ANXA3: variants seen among roughly 807,000 people sequenced by gnomAD.
The protein encoded by ANXA3 is annexin A3, also known as 35-alpha calcimedin.
In ANXA3, 46 loss-of-function variants were observed where a neutral mutation model predicts 48.8. That is an observed-to-expected ratio of 0.94 (90% CI 0.74 to 1.21). ANXA3 has a LOEUF of 1.21. Ranked by LOEUF, ANXA3 falls within the 50% of genes most tolerant of loss-of-function variation. The pLI, the probability that ANXA3 is intolerant of heterozygous loss-of-function variation, is 0.00. For missense variants in ANXA3, 383 were observed against 378.6 expected, an observed-to-expected ratio of 1.01 and a Z score of -0.10; for synonymous variants, 128 against 134.7, an observed-to-expected ratio of 0.95 and a Z score of 0.35.
rs899018105 is a variant in ANXA3, at chr4:78,601,632, T to G, written c.789+64T>G. The G allele has an allele frequency of 3.9e-5, 51 of 1,298,396 alleles. No individual in the cohort carries two copies. In the African/African-American group the frequency reaches 6.6e-4, roughly 17 times the overall value. The allele number at this position is 1,298,396 out of a possible 1,614,324, so 80.4% of individuals were successfully genotyped here. ...TAATTCCCTTGGGAAAGTATGCAAA[T>G]AGTAGAACAAATATTTAAAAATTAG... is the stretch of plus-strand genomic sequence containing the variant. On this transcript the variant is annotated intron_variant, in intron 11 of 12. Transcript: ENST00000264908.
intron 3 of ANXA3, among the ~76,000 whole-genome samples, chr4:78,575,737 GA>G (rs1487688490): frequency 9.2e-5 from 14 of 152,220 alleles, no homozygotes; most frequent in Non-Finnish European, 1.6e-4. Flanking sequence ...AAATTTTAGT[GA>G]AATCAAGTTT....
At chr4:78,573,338 T>G in intron 3 of ANXA3, 71 bp downstream of exon 3, 1 of 1,126,544 alleles carries the variant, frequency 8.9e-7, no homozygotes, top group Non-Finnish European at 1.3e-6. Context: ...AAAAGTTCAG[T>G]TTGCTCAGAT....
At position 78,595,426 on chromosome 4, in the gene ANXA3, C is replaced by T. The variant is rs1723399651; in HGVS notation, c.529C>T (p.Gln177Ter). 8.1e-6 allele frequency: 13 copies of T among 1,613,380 alleles called. No individual in the cohort carries two copies. The highest frequency in any genetic ancestry group is 1.1e-5 in the Non-Finnish European group (13 of 1,179,826). The change falls in exon 8 of 13, where the codon CAA (glutamine) becomes TAA (stop). Residue 177 changes from glutamine (Q) to a stop codon, truncating the protein, a stop_gained. Transcript: ENST00000264908. LOFTEE classifies it high-confidence loss of function. ...GAAAGTGGATGAGCATCTGGCCAAA[C>T]AAGATGCCCAGGTCAGTAACAAAGC... ...SLKVDEHLAK[Q>*]DAQILYKAGE...
At chr4:78,604,437 C>G (rs199909843) in intron 12 of ANXA3, 38 bp downstream of exon 12, 15 of 1,399,800 alleles carry the variant, frequency 1.1e-5, no homozygotes, top group Non-Finnish European at 1.5e-5. Context: ...CATATTTTGC[C>G]CTTCTCTACC....
intron 12 of ANXA3, among the ~76,000 whole-genome samples, chr4:78,608,717 GTTGT>G (rs563279303): frequency 4.9e-4 from 75 of 152,140 alleles, no homozygotes; most frequent in African/African-American, 1.5e-3. Flanking sequence ...CAGGTTTTAG[GTTGT>G]TTGTTTGTTT....
intron 2 of ANXA3, among the ~76,000 whole-genome samples, chr4:78,556,687 T>C (rs1468196988): frequency 6.6e-6 from 1 of 152,286 alleles, no homozygotes; most frequent in East Asian, 1.9e-4. Context: ...AACTCTCATC[T>C]TTCATCTGAA....
chr4:78,589,107 T>C (rs1578400064), intron 6 of ANXA3, among the ~76,000 whole-genome samples: 1 of 152,332 alleles, frequency 6.6e-6, no homozygotes, highest in South Asian at 2.1e-4. Context: ...GATTTTCGTC[T>C]ATGTTGTTCA....
intron 5 of ANXA3, among the ~76,000 whole-genome samples, chr4:78,584,268 T>C (rs1431305854): frequency 6.6e-6 from 1 of 151,992 alleles, no homozygotes; most frequent in Non-Finnish European, 1.5e-5. Flanking sequence ...AGCCTCAACC[T>C]CCCTGGCAAG....
intron 6 of ANXA3, among the ~76,000 whole-genome samples, chr4:78,587,681 G>C (rs1217946446): frequency 6.6e-6 from 1 of 152,194 alleles, no homozygotes; most frequent in Non-Finnish European, 1.5e-5. Flanking sequence ...GGAGATTCTT[G>C]TTAGAAGGTA....
In ANXA3 at chr4:78,588,771, C is replaced by T. The variant is rs545147300; in HGVS notation, c.403+2421C>T. Reference sequence around the variant, plus strand: ...CCGTCAGATAGCTTGCACTTCTTTCCACCTCCTGCCTTCCAGTCCCCTCTA... The same window carrying T: ...CCGTCAGATAGCTTGCACTTCTTTCTACCTCCTGCCTTCCAGTCCCCTCTA... On this transcript the variant is annotated intron_variant, in intron 6 of 12. Coordinates refer to ENST00000264908, the MANE Select transcript of ANXA3 (RefSeq NM_005139.3). Among the ~76,000 whole-genome samples the T allele has an allele frequency of 3.3e-5, 5 of 152,298 alleles. No homozygotes were observed. The East Asian group carries it at 5.8e-4, about 18-fold the overall frequency.
chr4:78,595,064 G>T (rs923324155), intron 7 of ANXA3, among the ~76,000 whole-genome samples: 4 of 152,192 alleles, frequency 2.6e-5, no homozygotes, highest in Non-Finnish European at 5.9e-5. Context: ...TTGAGCCTTG[G>T]AGTTCAAGGT....
intron 11 of ANXA3, 52 bp downstream of exon 11, chr4:78,601,620 A>G (rs773820781): frequency 1.8e-5 from 25 of 1,423,072 alleles, no homozygotes; most frequent in Non-Finnish European, 2.2e-5. Context: ...TTCCCTTGGG[A>G]AAGTATGCAA....
At chr4:78,569,594 G>A (rs2109930524) in intron 2 of ANXA3, among the ~76,000 whole-genome samples, 1 of 152,264 alleles carries the variant, frequency 6.6e-6, no homozygotes, top group African/African-American at 2.4e-5. Context: ...AAACTTTATT[G>A]TGTACTAGAA....
At chr4:78,565,590 C>A (rs994037274) in intron 2 of ANXA3, among the ~76,000 whole-genome samples, 1 of 152,186 alleles carries the variant, frequency 6.6e-6, no homozygotes. Context: ...GTTGAGGAAA[C>A]TGAGCAAATT....
At chr4:78,588,639 G>A (rs543741301) in intron 6 of ANXA3, among the ~76,000 whole-genome samples, 2 of 152,252 alleles carry the variant, frequency 1.3e-5, no homozygotes, top group South Asian at 2.1e-4. Flanking sequence ...TGTAGGTACT[G>A]GAGCCAGTAC....
chr4:78,588,039 T>C (rs953150106), intron 6 of ANXA3, among the ~76,000 whole-genome samples: 1 of 152,126 alleles, frequency 6.6e-6, no homozygotes, highest in African/African-American at 2.4e-5. Context: ...GAGGTTACAG[T>C]GAGCCGAGAT....
intron 7 of ANXA3, 69 bp from the exon 8 acceptor site, chr4:78,595,312 G>T: frequency 3.9e-6 from 6 of 1,533,402 alleles, no homozygotes; most frequent in South Asian, 3.4e-5. Flanking sequence ...ATCCCCTGCT[G>T]GTTGAAGTAC....
At chr4:78,552,085 G>GT (rs1578387293) in intron 1 of ANXA3, 5 of 152,490 alleles carry the variant, frequency 3.3e-5, no homozygotes, top group Admixed American at 6.5e-5. Flanking sequence ...TGGGCCCACG[G>GT]GGGGGAAAGT....
At chr4:78,553,658 A>T (rs73828023) in intron 1 of ANXA3, among the ~76,000 whole-genome samples, 2,412 of 152,316 alleles carry the variant, frequency 0.016, 60 homozygotes, top group African/African-American at 0.055. Context: ...TGACTGCCCT[A>T]GGCTACAGAG....
Sources: gnomAD v4.1 joint callset for allele counts (sites outside exome capture counted in the v4.1 genomes callset) on GRCh38, gnomAD v4.1.1 for gene constraint, MANE v1.5 for transcripts, NCBI Gene and HGNC (gene_info 2026-07-23, HGNC 2026-07-21) for gene names.